The following AFF1 variants were observed in gnomAD, a reference collection of about 807,000 sequenced individuals.
AFF1 encodes ALF transcription elongation factor 1.
AFF1 carries 48 observed loss-of-function variants against 121.7 expected under a neutral mutation model. The ratio of observed to expected loss-of-function variants is 0.39; its 90% CI spans 0.31 to 0.50. AFF1 has a LOEUF of 0.50. Among genes scored for constraint, AFF1 ranks in the 20% least tolerant of loss-of-function variants. AFF1 has a pLI of 0.76. For missense variants in AFF1, 1,523 were observed against 1,511.7 expected (o/e 1.01, Z -0.12); for synonymous variants, 613 against 563.0 (o/e 1.09, Z -1.26).
intron 2 of AFF1, among the ~76,000 whole-genome samples, chr4:87,040,721 C>T (rs1296252210): frequency 6.6e-6 from 1 of 151,862 alleles, no homozygotes; most frequent in Non-Finnish European, 1.5e-5. Context: ...AGGCGCCTGC[C>T]ACCACACCCA....
At chr4:87,119,630 T>C (rs553041473) in intron 12 of AFF1, among the ~76,000 whole-genome samples, 1 of 152,338 alleles carries the variant, frequency 6.6e-6, no homozygotes, top group South Asian at 2.1e-4. Flanking sequence ...CCTTGCATTG[T>C]TCTAGGAGCT....
intron 17 of AFF1, 116 bp from the exon 18 acceptor site, chr4:87,131,677 G>T: frequency 1.1e-6 from 1 of 921,848 alleles, no homozygotes; most frequent in African/African-American, 1.7e-5. Flanking sequence ...TTTTTTTCCT[G>T]TGATGCTCTC....
chr4:87,002,598 A>C (rs941157888), intron 2 of AFF1, among the ~76,000 whole-genome samples: 5 of 151,516 alleles, frequency 3.3e-5, no homozygotes, highest in Admixed American at 3.3e-4. Context: ...TGCCTGAGAC[A>C]GGGTTTCACC....
At chr4:87,021,407 G>A (rs890920031) in intron 2 of AFF1, among the ~76,000 whole-genome samples, 1 of 152,168 alleles carries the variant, frequency 6.6e-6, no homozygotes, top group Non-Finnish European at 1.5e-5. Context: ...AAGTAAAAAT[G>A]TACATTTGCT....
At chr4:86,974,546 C>A (rs1302680113) in intron 2 of AFF1, among the ~76,000 whole-genome samples, 2 of 152,114 alleles carry the variant, frequency 1.3e-5, no homozygotes, top group African/African-American at 4.8e-5. Context: ...GGCTGTTCTG[C>A]CATTGTAACT....
Position 86,954,120 on chromosome 4 carries a change from G to C in AFF1, c.38+5549G>C, listed in dbSNP as rs185391294. Among the ~76,000 whole-genome samples the C allele has an allele frequency of 2.4e-4, 36 of 152,280 alleles. No homozygotes were observed. In the East Asian group the frequency reaches 4.4e-3, roughly 19 times the overall value. On this transcript the variant is annotated intron_variant, in intron 2 of 20. Coordinates refer to ENST00000395146, the MANE Select transcript of AFF1 (RefSeq NM_001166693.3). Reference sequence around the variant, plus strand: ...ACTACCTCCCTTAAAAGTCATCACTGTTCTGACTTGTAACACCCTGCATTT... The same window carrying C: ...ACTACCTCCCTTAAAAGTCATCACTCTTCTGACTTGTAACACCCTGCATTT...
intron 2 of AFF1, among the ~76,000 whole-genome samples, chr4:86,966,065 CTTTT>C (rs568285746): frequency 7.2e-6 from 1 of 138,952 alleles, no homozygotes; most frequent in Admixed American, 7.2e-5. Flanking sequence ...TTTTTCTTTC[CTTTT>C]TTTTTTTTTT....
chr4:87,054,718 A>G (rs906405501), intron 4 of AFF1, among the ~76,000 whole-genome samples: 1 of 152,184 alleles, frequency 6.6e-6, no homozygotes, highest in South Asian at 2.1e-4. Context: ...ATGAAGAATA[A>G]GTCACCTGCA....
At chr4:86,980,075 T>C (rs948544680) in intron 2 of AFF1, among the ~76,000 whole-genome samples, 2 of 152,126 alleles carry the variant, frequency 1.3e-5, no homozygotes, top group African/African-American at 2.4e-5. Flanking sequence ...CACACCCGGC[T>C]AATTCTTGTG....
intron 4 of AFF1, chr4:87,048,160 A>G (rs1369067234): frequency 6.5e-6 from 1 of 154,904 alleles, no homozygotes; most frequent in East Asian, 1.9e-4. Context: ...ATTGTAAGGA[A>G]CTTTATAACT....
intron 10 of AFF1, among the ~76,000 whole-genome samples, chr4:87,107,093 A>G (rs1035836545): frequency 6.6e-6 from 1 of 151,928 alleles, no homozygotes; most frequent in African/African-American, 2.4e-5. Flanking sequence ...TTCAGCTGCC[A>G]TGGAGACAGG....
intron 2 of AFF1, among the ~76,000 whole-genome samples, chr4:87,025,526 AC>A (rs996108626): frequency 4.6e-5 from 7 of 152,194 alleles, no homozygotes; most frequent in African/African-American, 1.7e-4. Context: ...GAGAAGTAAC[AC>A]AGTGACTTTG....
chr4:87,063,426 A>G (rs1393920749), intron 4 of AFF1, among the ~76,000 whole-genome samples: 1 of 151,806 alleles, frequency 6.6e-6, no homozygotes, highest in Non-Finnish European at 1.5e-5. Flanking sequence ...TTTTAGCAGG[A>G]TGGGGTTTCT....
intron 2 of AFF1, among the ~76,000 whole-genome samples, chr4:87,006,236 T>C (rs1279810432): frequency 6.6e-6 from 1 of 152,202 alleles, no homozygotes; most frequent in Non-Finnish European, 1.5e-5. Flanking sequence ...CTAAGAGTCT[T>C]CAGCTCCTCC....
chr4:87,067,675 G>C (rs1222368811), intron 4 of AFF1, among the ~76,000 whole-genome samples: 3 of 152,330 alleles, frequency 2.0e-5, no homozygotes, highest in Non-Finnish European at 4.4e-5. Flanking sequence ...ATAGAGACTT[G>C]AGAGCAAAAA....
chr4:87,038,362 T>G (rs1729774712), intron 2 of AFF1, among the ~76,000 whole-genome samples: 2 of 152,192 alleles, frequency 1.3e-5, no homozygotes, highest in South Asian at 4.1e-4. Flanking sequence ...CCTTCAGACA[T>G]GGAGTCACTT....
intron 1 of AFF1, among the ~76,000 whole-genome samples, chr4:86,944,459 C>T (rs1479185073): frequency 1.3e-5 from 2 of 151,948 alleles, no homozygotes; most frequent in Non-Finnish European, 1.5e-5. Flanking sequence ...CTCCATCTCC[C>T]AGGTTCACGC....
intron 8 of AFF1, among the ~76,000 whole-genome samples, chr4:87,096,344 C>A (rs1168660294): frequency 7.2e-6 from 1 of 139,454 alleles, no homozygotes; most frequent in East Asian, 2.0e-4. Context: ...TGCTCTGTCA[C>A]CCAGGCTGGA....
At chr4:86,983,714 A>T (rs977253997) in intron 2 of AFF1, among the ~76,000 whole-genome samples, 4 of 144,710 alleles carry the variant, frequency 2.8e-5, no homozygotes, top group African/African-American at 1.1e-4. Context: ...GTCTCAAATG[A>T]AAAACCAAAA....
Sources: gnomAD v4.1 joint callset for allele counts (sites outside exome capture counted in the v4.1 genomes callset) on GRCh38, gnomAD v4.1.1 for gene constraint, MANE v1.5 for transcripts, NCBI Gene and HGNC (gene_info 2026-07-23, HGNC 2026-07-21) for gene names.